RBFOX1: variants seen among roughly 807,000 people sequenced by gnomAD.
RBFOX1 encodes RNA binding protein fox-1 homolog 1.
A neutral mutation model predicts 57.7 loss-of-function variants in RBFOX1; 8 were observed. The observed-to-expected ratio is 0.14, with a 90% CI of 0.08 to 0.25. The LOEUF is 0.25. Among genes scored for constraint, RBFOX1 ranks in the 10% least tolerant of loss-of-function variants. The pLI is 1.00. For missense variants in RBFOX1, 611 were observed against 548.5 expected (o/e 1.11, Z -1.14); for synonymous variants, 326 against 222.4 (o/e 1.47, Z -4.15).
intron 3 of RBFOX1, among the ~76,000 whole-genome samples, chr16:5,757,799 A>G (rs1371360883): frequency 1.3e-5 from 2 of 152,318 alleles, no homozygotes; most frequent in East Asian, 3.9e-4. Flanking sequence ...GGAGGAGCAG[A>G]TTCTTCAGCT....
At position 6,782,030 on chromosome 16, in the gene RBFOX1, C is replaced by T. The variant is rs149537499; in HGVS notation, c.-16+127380C>T. On this transcript the variant is annotated intron_variant, in intron 3 of 15. Transcript: ENST00000550418. ...GTTGTTGTTATTGTTGTTTTTTATA[C>T]GGAGCCTTGCTCTGTCACTGGGCTG... 1.3e-3 allele frequency among the ~76,000 whole-genome samples: 202 copies of T among 152,048 alleles called. 1 individual carries two copies. Among genetic ancestry groups the T allele is most frequent in the East Asian group, 4.4e-3 (23 of 5,170 alleles).
chr16:5,469,611 A>T (rs1429449831), intron 2 of RBFOX1, among the ~76,000 whole-genome samples: 2 of 152,040 alleles, frequency 1.3e-5, no homozygotes, highest in African/African-American at 4.8e-5. Flanking sequence ...TGTAGTTCCA[A>T]AGCATTTTTG....
intron 2 of RBFOX1, among the ~76,000 whole-genome samples, chr16:6,597,411 C>T (rs969188285): frequency 3.3e-5 from 5 of 152,078 alleles, no homozygotes; most frequent in Non-Finnish European, 7.4e-5. Flanking sequence ...CGGTGGCTCA[C>T]ACCAGTAATC....
intron 1 of RBFOX1, among the ~76,000 whole-genome samples, chr16:5,255,254 C>T (rs1596315374): frequency 6.6e-6 from 1 of 152,042 alleles, no homozygotes; most frequent in South Asian, 2.1e-4. Flanking sequence ...TCACTCAATT[C>T]TTTGGAGGAC....
intron 4 of RBFOX1, among the ~76,000 whole-genome samples, chr16:7,213,116 G>A (rs1300853623): frequency 6.6e-6 from 1 of 152,022 alleles, no homozygotes; most frequent in African/African-American, 2.4e-5. Flanking sequence ...GAGAATGGAG[G>A]GACATAGGTT....
chr16:7,247,234 C>A (rs1382372190), intron 4 of RBFOX1, among the ~76,000 whole-genome samples: 1 of 152,118 alleles, frequency 6.6e-6, no homozygotes, highest in Non-Finnish European at 1.5e-5. Flanking sequence ...GCAAGAGAAA[C>A]TTCTATTGTG....
At chr16:7,208,082 C>A (rs543044628) in intron 4 of RBFOX1, among the ~76,000 whole-genome samples, 2 of 152,154 alleles carry the variant, frequency 1.3e-5, no homozygotes, top group Non-Finnish European at 2.9e-5. Flanking sequence ...AACAGGGAAG[C>A]AAGAGCAACT....
At chr16:7,004,300 A>T (rs922549345) in intron 3 of RBFOX1, among the ~76,000 whole-genome samples, 1 of 152,172 alleles carries the variant, frequency 6.6e-6, no homozygotes, top group African/African-American at 2.4e-5. Flanking sequence ...AATTAACTCC[A>T]TTCGGATACC....
chr16:7,434,925 A>T (rs538005242), intron 4 of RBFOX1, among the ~76,000 whole-genome samples: 4 of 151,996 alleles, frequency 2.6e-5, no homozygotes, highest in Non-Finnish European at 4.4e-5. Flanking sequence ...TTTTTAGTAG[A>T]GATGGGGTTT....
intron 2 of RBFOX1, among the ~76,000 whole-genome samples, chr16:6,440,043 C>A (rs899445009): frequency 4.1e-5 from 6 of 144,784 alleles, no homozygotes; most frequent in Non-Finnish European, 9.2e-5. Context: ...TTCAAGCAAT[C>A]CTCCTGCCTC....
At chr16:7,710,351 T>A (rs2083804010) in intron 15 of RBFOX1, 11 of 1,280,644 alleles carry the variant, frequency 8.6e-6, no homozygotes, top group Non-Finnish European at 9.8e-6. Flanking sequence ...ACAGTGAAAA[T>A]CCTTCCATTG....
intron 3 of RBFOX1, among the ~76,000 whole-genome samples, chr16:6,989,574 G>A (rs1397408317): frequency 6.6e-6 from 1 of 152,122 alleles, no homozygotes; most frequent in African/African-American, 2.4e-5. Flanking sequence ...AATAGAAACA[G>A]GTACAGCTGT....
chr16:6,817,834 C>A lies in RBFOX1; in HGVS notation c.-16+163184C>A, dbSNP rs892270920. Among the ~76,000 whole-genome samples, 4 of 152,210 alleles carry A rather than the reference C, an allele frequency of 2.6e-5. No homozygotes were observed. In the East Asian group the frequency reaches 7.7e-4, roughly 29 times the overall value. On this transcript the variant is annotated intron_variant, in intron 3 of 15. Coordinates refer to ENST00000550418, the MANE Select transcript of RBFOX1 (RefSeq NM_018723.4). ...CTATAACTCAAGAATTCATGAAGTCCCCTGTGAATGTGACTCATATCAGAC... is the reference window on the plus strand; with the variant it reads ...CTATAACTCAAGAATTCATGAAGTCACCTGTGAATGTGACTCATATCAGAC...
intron 1 of RBFOX1, among the ~76,000 whole-genome samples, chr16:6,055,141 G>T (rs952832483): frequency 6.6e-6 from 1 of 151,994 alleles, no homozygotes; most frequent in African/African-American, 2.4e-5. Context: ...TTATCCTACA[G>T]GTCATTTATA....
chr16:6,842,088 A>T (rs1236103492), intron 3 of RBFOX1, among the ~76,000 whole-genome samples: 3 of 152,030 alleles, frequency 2.0e-5, no homozygotes, highest in African/African-American at 7.2e-5. Flanking sequence ...ACTTGCAGTG[A>T]GCGGAGATCG....
chr16:6,794,264 T>C lies in RBFOX1; in HGVS notation c.-16+139614T>C, dbSNP rs2154251008. Among the ~76,000 whole-genome samples, 4 of 149,060 alleles carry C rather than the reference T, an allele frequency of 2.7e-5. No homozygotes were observed. The South Asian group carries it at 8.5e-4, about 32-fold the overall frequency. On this transcript the variant is annotated intron_variant, in intron 3 of 15. Coordinates refer to ENST00000550418, the MANE Select transcript of RBFOX1 (RefSeq NM_018723.4). ...CTTCACTTTGCTCCATGTTGTGTGT[T>C]GTTTTCTTGTTCGTGATTTTTTTTT...
chr16:6,578,627 CAGAG>C (rs2097484842), intron 2 of RBFOX1, among the ~76,000 whole-genome samples: 1 of 13,056 alleles, frequency 7.7e-5, no homozygotes, highest in South Asian at 2.6e-3. Context: ...ATGGGAGAAA[CAGAG>C]GGACATAGGA....
chr16:6,341,206 TG>T (rs551922423), intron 2 of RBFOX1, among the ~76,000 whole-genome samples: 3 of 152,336 alleles, frequency 2.0e-5, no homozygotes, highest in African/African-American at 7.2e-5. Context: ...GAACTCTCTA[TG>T]GGAAAGAACC....
intron 4 of RBFOX1, among the ~76,000 whole-genome samples, chr16:7,199,032 T>C (rs1002327140): frequency 6.6e-6 from 1 of 152,188 alleles, no homozygotes; most frequent in Non-Finnish European, 1.5e-5. Context: ...GGACTGAGTT[T>C]CAGTTCCAAG....
Sources: gnomAD v4.1 joint callset for allele counts (sites outside exome capture counted in the v4.1 genomes callset) on GRCh38, gnomAD v4.1.1 for gene constraint, MANE v1.5 for transcripts, NCBI Gene and HGNC (gene_info 2026-07-23, HGNC 2026-07-21) for gene names.